Variants in HLF observed in about 807,000 individuals in gnomAD.
HLF encodes the protein HLF transcription factor, PAR bZIP family member, also known as hepatic leukemia factor.
Under a neutral mutation model 22.6 loss-of-function variants are expected in HLF, and 3 were observed. The ratio of observed to expected loss-of-function variants is 0.13; its 90% CI spans 0.06 to 0.34. HLF has a LOEUF of 0.34. Among genes scored for constraint, HLF ranks in the 10% least tolerant of loss-of-function variants. The pLI, the probability that HLF is intolerant of heterozygous loss-of-function variation, is 1.00. For synonymous variants in HLF, 151 were observed against 151.8 expected, an observed-to-expected ratio of 0.99 and a Z score of 0.04; for missense variants, 299 against 389.2, an observed-to-expected ratio of 0.77 and a Z score of 1.95.
chr17:55,268,191 A>T (rs948923462), intron 2 of HLF, 105 bp downstream of exon 2: 1 of 792,184 alleles, frequency 1.3e-6, no homozygotes, highest in Non-Finnish European at 2.0e-6. Context: ...TTTAGCAAAG[A>T]TCCTAAGAGA....
chr17:55,265,378 G>A lies in HLF; in HGVS notation c.-107G>A. On this transcript the variant is annotated 5_prime_UTR_variant, in exon 1 of 4. Coordinates refer to ENST00000226067, the MANE Select transcript of HLF (RefSeq NM_002126.5). ...TTCCCTTTTCTCCACCGCCTTGAGA[G>A]CGAGTACTTTTGGCAAAGGACGGAG... is the stretch of plus-strand genomic sequence containing the variant. The A allele has an allele frequency of 3.0e-6, 2 of 675,448 alleles. No individual in the cohort carries two copies. Among genetic ancestry groups the A allele is most frequent in the Non-Finnish European group, 5.3e-6 (2 of 378,280 alleles). The allele number at this position is 675,448 out of a possible 1,614,324, so 41.8% of individuals were successfully genotyped here. A position where few individuals can be genotyped will look rare whatever the true frequency, so the allele number is the denominator to read the frequency against.
intron 2 of HLF, among the ~76,000 whole-genome samples, chr17:55,278,773 C>G (rs2080928616): frequency 6.6e-6 from 1 of 152,162 alleles, no homozygotes; most frequent in Admixed American, 6.5e-5. Context: ...ATGATGTGGG[C>G]TGAGTTAGTA....
chr17:55,271,296 G>A lies in HLF; in HGVS notation c.451+3210G>A, dbSNP rs1292492174. ...TATACACTTTAGTTAATAAAACTAA[G>A]CCATCAGGCTAATCAGGAGATAATT... On this transcript the variant is annotated intron_variant, in intron 2 of 3. Coordinates refer to ENST00000226067, the MANE Select transcript of HLF (RefSeq NM_002126.5). Among the ~76,000 whole-genome samples, 3 of 152,300 alleles carry A rather than the reference G, an allele frequency of 2.0e-5. No individual in the cohort carries two copies. In the East Asian group the frequency reaches 5.8e-4, roughly 29 times the overall value.
intron 2 of HLF, among the ~76,000 whole-genome samples, chr17:55,304,048 A>C (rs1159258261): frequency 6.6e-6 from 1 of 152,068 alleles, no homozygotes; most frequent in Non-Finnish European, 1.5e-5. Context: ...AGGGGAAGCC[A>C]TTGCCTCTTG....
At chr17:55,309,721 A>G (rs896873869) in intron 2 of HLF, among the ~76,000 whole-genome samples, 1 of 152,172 alleles carries the variant, frequency 6.6e-6, no homozygotes, top group Non-Finnish European at 1.5e-5. Flanking sequence ...CAGCTGGCTA[A>G]TGCTCATCAG....
intron 3 of HLF, among the ~76,000 whole-genome samples, chr17:55,317,363 C>T (rs1905112003): frequency 6.6e-6 from 1 of 152,158 alleles, no homozygotes; most frequent in Admixed American, 6.5e-5. Context: ...TGAAAGGATG[C>T]TGCTATGAGT....
Position 55,321,000 on chromosome 17 carries a change from C to G in HLF, c.*121C>G. On this transcript the variant is annotated 3_prime_UTR_variant, in exon 4 of 4. Transcript: ENST00000226067. This position sits in a 1 kb window ranked among gnomAD's most constrained non-coding sequence, Gnocchi z 4.2. ...TTACCAGAGGCATAAACACAACTGACTCCCATTTTGGTGTGCATCTGTGTG... is the reference window on the plus strand; with the variant it reads ...TTACCAGAGGCATAAACACAACTGAGTCCCATTTTGGTGTGCATCTGTGTG... The G allele has an allele frequency of 1.3e-6, 1 of 744,190 alleles. No individual in the cohort carries two copies. Among genetic ancestry groups the G allele is most frequent in the Non-Finnish European group, 2.3e-6 (1 of 444,260 alleles). 46.1% of individuals were successfully genotyped at this position (744,190 alleles called of 1,614,324 possible). A position where few individuals can be genotyped will look rare whatever the true frequency, so the allele number is the denominator to read the frequency against.
intron 1 of HLF, 106 bp downstream of exon 1, chr17:55,265,705 G>A: frequency 9.2e-7 from 1 of 1,083,352 alleles, no homozygotes; most frequent in Non-Finnish European, 1.2e-6. Context: ...CTCCCGCCCT[G>A]TCCCGCGGCG....
At position 55,268,103 on chromosome 17, in the gene HLF, T is replaced by G. The variant is rs189700197; in HGVS notation, c.451+17T>G. 129 of 1,495,382 alleles carry G rather than the reference T, an allele frequency of 8.6e-5. 1 individual carries two copies. In the African/African-American group the frequency reaches 1.6e-3, roughly 18 times the overall value. The allele number at this position is 1,495,382 out of a possible 1,614,324, so 92.6% of individuals were successfully genotyped here. A position where few individuals can be genotyped will look rare whatever the true frequency, so the allele number is the denominator to read the frequency against. On this transcript the variant is annotated intron_variant, in intron 2 of 3. Transcript: ENST00000226067. ...TCAGACCAGGTAAGTGCCCTGAAGA[T>G]TCTCCCTTCAGAAAGGGAGGAGGAG... is the stretch of plus-strand genomic sequence containing the variant.
rs745782196 is a variant in HLF, at chr17:55,265,540, A to G, written c.56A>G (p.Tyr19Cys). ...PLNPTFIPPP[Y>C]GVLRSLLENP... The stretch of plus-strand genomic sequence containing the variant: ...AATCCCACCTTTATCCCGCCTCCCT[A>G]CGGCGTGCTCAGGTCCCTGCTGGAG... Residue 19 changes from tyrosine (Y) to cysteine (C), a missense_variant, in exon 1 of 4, where the codon TAC (tyrosine) becomes TGC (cysteine). By Grantham distance (194) the Tyr-to-Cys change is radical. Around this residue, in one of 3 missense-constraint regions of HLF, gnomAD observed 72 missense variants for 74.0 expected, o/e 0.97. Transcript: ENST00000226067. The G allele has an allele frequency of 8.1e-6, 13 of 1,609,660 alleles. No homozygotes were observed. Among genetic ancestry groups the G allele is most frequent in the East Asian group, 4.5e-5 (2 of 44,224 alleles).
chr17:55,283,129 A>C (rs1024370995), intron 2 of HLF, among the ~76,000 whole-genome samples: 1 of 152,048 alleles, frequency 6.6e-6, no homozygotes, highest in Non-Finnish European at 1.5e-5. Flanking sequence ...AAGAAAAGAA[A>C]AAAAAAAGGA....
Position 55,309,595 on chromosome 17 carries a change from G to A in HLF, c.452-5632G>A, listed in dbSNP as rs116525964. Among the ~76,000 whole-genome samples, 215 of 152,282 alleles carry A rather than the reference G, an allele frequency of 1.4e-3. 2 individuals are homozygous for A. The highest frequency in any genetic ancestry group is 5.1e-3 in the African/African-American group (211 of 41,556). On this transcript the variant is annotated intron_variant, in intron 2 of 3. Transcript: ENST00000226067. ...AGAGGTGAGCAGGAGGGAAAGATTC[G>A]GCACCAAACTTTGAATCACTAGGAG... is the stretch of plus-strand genomic sequence containing the variant.
rs1419192803 is a variant in HLF, at chr17:55,320,748, A to G, written c.757A>G (p.Ile253Val). ...RDARRLKENQ[I>V]AIRASFLEKE... Reference sequence around the variant, plus strand: ...CGCCCGGAGGCTGAAAGAGAACCAGATCGCCATCCGGGCCTCGTTCCTGGA... The same window carrying G: ...CGCCCGGAGGCTGAAAGAGAACCAGGTCGCCATCCGGGCCTCGTTCCTGGA... The change falls in exon 4 of 4, where the codon ATC becomes GTC. Residue 253 changes from isoleucine to valine, a missense_variant. Physicochemically the swap from Ile to Val is conservative, Grantham distance 29. Transcript: ENST00000226067. This position sits in a 1 kb window ranked among gnomAD's most constrained non-coding sequence, Gnocchi z 4.2. 2 of 1,614,124 alleles carry G rather than the reference A, an allele frequency of 1.2e-6. No individual in the cohort carries two copies. Among genetic ancestry groups the G allele is most frequent in the South Asian group, 2.2e-5 (2 of 91,074 alleles).
At chr17:55,316,965 G>GTTTTTT (rs35293604) in intron 3 of HLF, among the ~76,000 whole-genome samples, 5 of 107,124 alleles carry the variant, frequency 4.7e-5, no homozygotes, top group East Asian at 3.5e-4. Flanking sequence ...TTTTTATGGT[G>GTTTTTT]TTTTTTTTTT....
At chr17:55,306,228 A>G (rs1166236551) in intron 2 of HLF, among the ~76,000 whole-genome samples, 1 of 152,106 alleles carries the variant, frequency 6.6e-6, no homozygotes, top group Non-Finnish European at 1.5e-5. Context: ...TAAAAAAAAA[A>G]TTGCTGATAT....
intron 2 of HLF, chr17:55,288,838 A>T (rs1368694722): frequency 3.1e-6 from 2 of 640,272 alleles, no homozygotes; most frequent in East Asian, 2.8e-4. Context: ...CTTACAAATA[A>T]AAGTGGATAT....
chr17:55,319,276 C>T (rs1905181508), intron 3 of HLF, among the ~76,000 whole-genome samples: 1 of 152,096 alleles, frequency 6.6e-6, no homozygotes, highest in Non-Finnish European at 1.5e-5. Flanking sequence ...CTTAGACTTT[C>T]CTTGCAGCTT....
At chr17:55,304,496 C>T (rs1160691524) in intron 2 of HLF, among the ~76,000 whole-genome samples, 1 of 152,332 alleles carries the variant, frequency 6.6e-6, no homozygotes, top group East Asian at 1.9e-4. Context: ...GCAGATTTTG[C>T]TGACACCATA....
intron 3 of HLF, among the ~76,000 whole-genome samples, chr17:55,317,263 G>A (rs959909609): frequency 6.6e-5 from 10 of 152,160 alleles, no homozygotes; most frequent in South Asian, 2.1e-4. Flanking sequence ...CACCGCGCCC[G>A]GCCTTTTTTG....
Sources: allele counts gnomAD v4.1 joint callset (sites outside exome capture counted in the v4.1 genomes callset), GRCh38; gene constraint gnomAD v4.1.1; regional missense constraint gnomAD v4.1.1; non-coding constraint Gnocchi (gnomAD v3.1); transcripts MANE v1.5; gene names NCBI Gene and HGNC (gene_info 2026-07-23, HGNC 2026-07-21).